Variants in REV1 observed in about 807,000 individuals in gnomAD.
The protein encoded by REV1 is REV1 DNA directed polymerase, also known as translesion synthesis protein REV1.
Under a neutral mutation model 137.4 loss-of-function variants are expected in REV1, and 42 were observed. The observed-to-expected ratio is 0.31, with a 90% CI of 0.24 to 0.40. The LOEUF is 0.40. Among genes scored for constraint, REV1 ranks in the 10% least tolerant of loss-of-function variants. The probability of loss-of-function intolerance (pLI) is 1.00; values close to 1 mark genes in which losing one functional copy is unlikely to be tolerated. For synonymous variants in REV1, 524 were observed against 519.2 expected, an observed-to-expected ratio of 1.01 and a Z score of -0.12; for missense variants, 1,282 against 1,490.1, an observed-to-expected ratio of 0.86 and a Z score of 2.30.
intron 1 of REV1, among the ~76,000 whole-genome samples, chr2:99,475,349 G>A (rs1222675449): frequency 2.0e-5 from 3 of 152,208 alleles, no homozygotes; most frequent in African/African-American, 7.2e-5. Context: ...GGAATGCTGA[G>A]AAGGATAAAA....
chr2:99,401,974 TCCAC>T (rs1443634284), intron 22 of REV1, among the ~76,000 whole-genome samples: 2 of 152,094 alleles, frequency 1.3e-5, no homozygotes, highest in Non-Finnish European at 2.9e-5. Flanking sequence ...TCTCAAACGA[TCCAC>T]CCACCCCAGC....
intron 3 of REV1, among the ~76,000 whole-genome samples, chr2:99,449,887 T>G (rs1042182697): frequency 1.3e-5 from 2 of 152,160 alleles, no homozygotes; most frequent in Non-Finnish European, 2.9e-5. Context: ...TATGAATCAT[T>G]TTACAAAGAC....
Position 99,405,968 on chromosome 2 carries a change from G to A in REV1, c.2753C>T (p.Thr918Ile). 1 of 1,613,000 alleles carries A rather than the reference G, an allele frequency of 6.2e-7. No homozygotes were observed. Among genetic ancestry groups the A allele is most frequent in the South Asian group, 1.1e-5 (1 of 90,840 alleles). ...ESSGKWNGLH[T>I]PVSVQSRLNL... is the part of the protein sequence containing the mutation. ...AAGTCTCGACTGCACACTGACAGGA[G>A]TATGTAGACCATTCCATTTCCCTGA... Residue 918 changes from threonine to isoleucine, a missense_variant, in exon 17 of 23, where the codon ACT (threonine) becomes ATT (isoleucine). Around this residue, in one of 7 missense-constraint regions of REV1, gnomAD observed 135 missense variants for 123.3 expected, o/e 1.10. Transcript: ENST00000258428.
chr2:99,458,393 T>C (rs1683769510), intron 3 of REV1, among the ~76,000 whole-genome samples: 1 of 152,136 alleles, frequency 6.6e-6, no homozygotes, highest in Non-Finnish European at 1.5e-5. Context: ...CACAAAGAGA[T>C]ACAACACCAT....
chr2:99,413,497 G>A (rs1339056495), intron 12 of REV1, among the ~76,000 whole-genome samples: 1 of 152,128 alleles, frequency 6.6e-6, no homozygotes. Flanking sequence ...ACCTGAAGAT[G>A]AAGGACCCTA....
At chr2:99,441,331 T>A (rs1396488388) in intron 5 of REV1, among the ~76,000 whole-genome samples, 1 of 152,090 alleles carries the variant, frequency 6.6e-6, no homozygotes, top group African/African-American at 2.4e-5. Context: ...AAAAAAAATA[T>A]ATCCAACTCC....
intron 7 of REV1, 55 bp from the exon 8 acceptor site, chr2:99,434,503 T>A: frequency 8.4e-7 from 1 of 1,191,080 alleles, no homozygotes; most frequent in Non-Finnish European, 1.2e-6. Flanking sequence ...GTTAACAACA[T>A]GTAAGCAAAA....
intron 3 of REV1, among the ~76,000 whole-genome samples, chr2:99,451,056 AG>A (rs1195728430): frequency 6.6e-6 from 1 of 152,218 alleles, no homozygotes; most frequent in Non-Finnish European, 1.5e-5. Context: ...ACAGCTAGCC[AG>A]TCAGGAATCT....
chr2:99,444,539 A>C (rs1681945760), intron 4 of REV1, among the ~76,000 whole-genome samples: 1 of 152,240 alleles, frequency 6.6e-6, no homozygotes. Flanking sequence ...AGGCTTACAT[A>C]AGTCAGTCCA....
chr2:99,411,013 G>A (rs764602792), intron 13 of REV1, 146 bp from the exon 14 acceptor site: 19 of 676,930 alleles, frequency 2.8e-5, no homozygotes, highest in Admixed American at 1.1e-4. Flanking sequence ...GTGGCCAGGC[G>A]CGGTGGCTCA....
intron 1 of REV1, among the ~76,000 whole-genome samples, chr2:99,480,647 A>G (rs1412337409): frequency 6.6e-6 from 1 of 152,212 alleles, no homozygotes; most frequent in East Asian, 1.9e-4. Context: ...CACATAACTA[A>G]AAACAAATCC....
At position 99,416,412 on chromosome 2, in the gene REV1, T is replaced by C. The variant is rs1677864158; in HGVS notation, c.1951+2416A>G. On this transcript the variant is annotated intron_variant, in intron 12 of 22. Transcript: ENST00000258428. Reference sequence around the variant, plus strand: ...ACACACTTCAGGACAGGAGTAACAATGGAGAAGGGAGATATTTTATAGACC... The same window carrying C: ...ACACACTTCAGGACAGGAGTAACAACGGAGAAGGGAGATATTTTATAGACC... 2.6e-5 allele frequency among the ~76,000 whole-genome samples: 4 copies of C among 152,058 alleles called. No homozygotes were observed. The South Asian group carries it at 8.3e-4, about 31-fold the overall frequency.
intron 1 of REV1, among the ~76,000 whole-genome samples, chr2:99,480,920 G>C (rs1385900322): frequency 6.6e-6 from 1 of 152,160 alleles, no homozygotes; most frequent in East Asian, 1.9e-4. Context: ...CTTATTCAAT[G>C]TAACAATTTA....
chr2:99,467,431 C>T (rs1201875831), intron 1 of REV1, among the ~76,000 whole-genome samples: 1 of 152,068 alleles, frequency 6.6e-6, no homozygotes, highest in African/African-American at 2.4e-5. Flanking sequence ...CCTATTGATC[C>T]AGAAATCAAA....
chr2:99,418,694 C>T (rs1186802895), intron 12 of REV1, 134 bp downstream of exon 12: 2 of 677,012 alleles, frequency 3.0e-6, no homozygotes, highest in African/African-American at 3.6e-5. Flanking sequence ...TTTTGTTTTT[C>T]ATGGCACTCA....
chr2:99,410,373 C>T (rs1307116535), intron 14 of REV1, among the ~76,000 whole-genome samples: 1 of 152,118 alleles, frequency 6.6e-6, no homozygotes, highest in African/African-American at 2.4e-5. Flanking sequence ...CACCAAGTCC[C>T]GAAACTATAG....
chr2:99,408,466 G>A (rs762906631), intron 14 of REV1: 1 of 167,090 alleles, frequency 6.0e-6, no homozygotes, highest in Non-Finnish European at 1.3e-5. Context: ...TCCAGCTAAA[G>A]CACAAGTGAA....
At chr2:99,443,158 T>C (rs1559358206) in intron 4 of REV1, among the ~76,000 whole-genome samples, 1 of 152,252 alleles carries the variant, frequency 6.6e-6, no homozygotes, top group African/African-American at 2.4e-5. Context: ...TATATATGGC[T>C]ACTCTACCTT....
intron 12 of REV1, among the ~76,000 whole-genome samples, chr2:99,414,171 G>A (rs1677547351): frequency 6.6e-6 from 1 of 152,146 alleles, no homozygotes; most frequent in Non-Finnish European, 1.5e-5. Context: ...AGAGAGCTCA[G>A]AGTGAAGTCT....
Sources: gnomAD v4.1 joint callset for allele counts (sites outside exome capture counted in the v4.1 genomes callset) on GRCh38, gnomAD v4.1.1 for gene constraint, gnomAD v4.1.1 regional missense constraint, MANE v1.5 for transcripts, NCBI Gene and HGNC (gene_info 2026-07-23, HGNC 2026-07-21) for gene names.